Variants in CENPW observed in about 807,000 individuals in gnomAD.
The protein encoded by CENPW is cancer-up-regulated gene 2 protein.
A neutral mutation model predicts 11.1 loss-of-function variants in CENPW; 3 were observed. The ratio of observed to expected loss-of-function variants is 0.27; its 90% CI spans 0.12 to 0.70. The LOEUF is 0.70. CENPW is among the 30% of genes least tolerant of loss of function. CENPW has a pLI of 0.77. For synonymous variants in CENPW, 38 were observed against 42.0 expected (o/e 0.91, Z 0.37); for missense variants, 100 against 105.6 (o/e 0.95, Z 0.23).
chr6:126,459,022 A>G, the CENPW span, among the ~76,000 whole-genome samples: 1 of 151,090 alleles, frequency 6.6e-6, no homozygotes, highest in Non-Finnish European at 1.5e-5. Flanking sequence ...AGTCATCTTC[A>G]TTGTGTCTAA....
At chr6:126,389,244 T>C in the CENPW span, among the ~76,000 whole-genome samples, 1 of 151,980 alleles carries the variant, frequency 6.6e-6, no homozygotes, top group Non-Finnish European at 1.5e-5. Context: ...ATGACACAGA[T>C]GTGGGACCAC....
At chr6:126,386,623 A>C in the CENPW span, among the ~76,000 whole-genome samples, 1 of 152,000 alleles carries the variant, frequency 6.6e-6, no homozygotes, top group African/African-American at 2.4e-5. Flanking sequence ...ATAGTTGTGC[A>C]GTGTACACTA....
At chr6:126,454,247 A>T in the CENPW span, among the ~76,000 whole-genome samples, 3,360 of 151,416 alleles carry the variant, frequency 0.022, 64 homozygotes, top group Non-Finnish European at 0.033. Context: ...AGAACTCTCT[A>T]CCCCAAACCA....
chr6:126,404,969 T>C, the CENPW span, among the ~76,000 whole-genome samples: 39 of 151,988 alleles, frequency 2.6e-4, no homozygotes, highest in African/African-American at 8.4e-4. Context: ...TTTCACTCTA[T>C]GGACTGTTTC....
the CENPW span, among the ~76,000 whole-genome samples, chr6:126,396,873 T>A: frequency 6.6e-6 from 1 of 151,752 alleles, no homozygotes; most frequent in Admixed American, 6.6e-5. Context: ...TATAATGGGG[T>A]CCTCATGAGT....
At chr6:126,413,633 A>G in the CENPW span, among the ~76,000 whole-genome samples, 2 of 151,986 alleles carry the variant, frequency 1.3e-5, no homozygotes, top group Non-Finnish European at 2.9e-5. Flanking sequence ...TATCATGAAA[A>G]CATGGAGAAA....
the CENPW span, among the ~76,000 whole-genome samples, chr6:126,467,323 C>T: frequency 6.6e-6 from 1 of 152,066 alleles, no homozygotes; most frequent in Non-Finnish European, 1.5e-5. Flanking sequence ...GAATAGAGAG[C>T]CCAAAAACAA....
the CENPW span, among the ~76,000 whole-genome samples, chr6:126,411,959 T>G: frequency 3.7e-5 from 1 of 27,060 alleles, no homozygotes; most frequent in East Asian, 1.5e-3. Flanking sequence ...CCTCCCTCCC[T>G]CTCTCTCTCC....
intron 1 of CENPW, among the ~76,000 whole-genome samples, chr6:126,343,315 T>G (rs1017330639): frequency 6.6e-6 from 1 of 152,246 alleles, no homozygotes; most frequent in Admixed American, 6.5e-5. Flanking sequence ...ATTAACTGTT[T>G]TATGACATAA....
At chr6:126,423,282 T>A in the CENPW span, among the ~76,000 whole-genome samples, 1 of 152,102 alleles carries the variant, frequency 6.6e-6, no homozygotes, top group South Asian at 2.1e-4. Context: ...GTGTTGCTTT[T>A]GAACTTGACT....
chr6:126,415,370 G>A, the CENPW span, among the ~76,000 whole-genome samples: 1 of 151,978 alleles, frequency 6.6e-6, no homozygotes, highest in African/African-American at 2.4e-5. Context: ...TTGTTACAAT[G>A]AATCTTTGTG....
the CENPW span, among the ~76,000 whole-genome samples, chr6:126,448,935 CA>C: frequency 6.6e-6 from 1 of 151,094 alleles, no homozygotes; most frequent in Admixed American, 6.6e-5. Context: ...ACTGAATATT[CA>C]TTCAAACTAT....
At chr6:126,456,009 GC>G in the CENPW span, among the ~76,000 whole-genome samples, 8 of 151,114 alleles carry the variant, frequency 5.3e-5, no homozygotes, top group African/African-American at 1.9e-4. Context: ...ACGAGGGGGG[GC>G]AAAAGATGTC....
the CENPW span, among the ~76,000 whole-genome samples, chr6:126,418,590 C>T: frequency 6.6e-6 from 1 of 151,994 alleles, no homozygotes; most frequent in Non-Finnish European, 1.5e-5. Context: ...TTTGTCAAAA[C>T]CCACAGGATG....
the CENPW span, among the ~76,000 whole-genome samples, chr6:126,443,453 A>G: frequency 6.6e-6 from 1 of 151,260 alleles, no homozygotes; most frequent in Non-Finnish European, 1.5e-5. Flanking sequence ...TTATTTTTGC[A>G]TAACAAAAAT....
the CENPW span, among the ~76,000 whole-genome samples, chr6:126,474,731 A>T: frequency 2.6e-5 from 4 of 152,196 alleles, no homozygotes; most frequent in Non-Finnish European, 5.9e-5. Flanking sequence ...ATTTCCTCTT[A>T]TTCACTGGTT....
chr6:126,365,024 C>G, the CENPW span, among the ~76,000 whole-genome samples: 1 of 152,170 alleles, frequency 6.6e-6, no homozygotes, highest in Non-Finnish European at 1.5e-5. Context: ...ACATGGCAGG[C>G]ATTTTTCATG....
At chr6:126,399,274 G>A in the CENPW span, among the ~76,000 whole-genome samples, 1 of 151,906 alleles carries the variant, frequency 6.6e-6, no homozygotes, top group African/African-American at 2.4e-5. Flanking sequence ...CCATCAACAG[G>A]GTATATTATT....
the CENPW span, among the ~76,000 whole-genome samples, chr6:126,369,146 G>A: frequency 7.2e-5 from 11 of 151,736 alleles, no homozygotes; most frequent in African/African-American, 2.7e-4. Flanking sequence ...ATTCCATGGT[G>A]TGTGTATATA....
Sources: gnomAD v4.1 joint callset for allele counts (sites outside exome capture counted in the v4.1 genomes callset) on GRCh38, gnomAD v4.1.1 for gene constraint, MANE v1.5 for transcripts, NCBI Gene and HGNC (gene_info 2026-07-23, HGNC 2026-07-21) for gene names.